Variants in ADAMTS6 observed in about 807,000 individuals in gnomAD.
ADAMTS6 encodes ADAM metallopeptidase with thrombospondin type 1 motif 6.
ADAMTS6 carries 23 observed loss-of-function variants against 144.3 expected under a neutral mutation model. That is an observed-to-expected ratio of 0.16 (90% CI 0.11 to 0.23). The LOEUF is 0.23. Ranked by LOEUF, ADAMTS6 falls within the 10% of genes least tolerant of loss-of-function variation. The pLI is 1.00. For missense variants in ADAMTS6, 999 were observed against 1,379.6 expected, an observed-to-expected ratio of 0.72 and a Z score of 4.37; for synonymous variants, 444 against 457.5, an observed-to-expected ratio of 0.97 and a Z score of 0.38.
At chr5:65,392,856 G>C (rs1397441751) in intron 7 of ADAMTS6, among the ~76,000 whole-genome samples, 1 of 152,126 alleles carries the variant, frequency 6.6e-6, no homozygotes, top group African/African-American at 2.4e-5. Context: ...AGCTATCTGA[G>C]ACATGATAAT....
At chr5:65,371,332 G>C (rs896307055) in intron 7 of ADAMTS6, among the ~76,000 whole-genome samples, 1 of 152,146 alleles carries the variant, frequency 6.6e-6, no homozygotes, top group African/African-American at 2.4e-5. Flanking sequence ...CGAACTACGG[G>C]AGGACATTCA....
chr5:65,371,114 A>G (rs567678792), intron 7 of ADAMTS6, among the ~76,000 whole-genome samples: 1 of 152,296 alleles, frequency 6.6e-6, no homozygotes, highest in South Asian at 2.1e-4. Flanking sequence ...CCAAAAACCA[A>G]TCTGTACAAC....
At chr5:65,274,347 T>G (rs1762288603) in intron 11 of ADAMTS6, among the ~76,000 whole-genome samples, 1 of 152,042 alleles carries the variant, frequency 6.6e-6, no homozygotes, top group South Asian at 2.1e-4. Flanking sequence ...CTAGCATCAT[T>G]ACCAATGTTA....
In ADAMTS6 at chr5:65,226,103, T is replaced by A. The variant is rs1356661126; in HGVS notation, c.2050A>T (p.Ile684Phe). Residue 684 changes from isoleucine to phenylalanine, a missense_variant, in exon 16 of 25, where the codon ATC becomes TTC. By Grantham distance (21) the Ile-to-Phe change is conservative. This residue lies in a region of ADAMTS6 where 619 missense variants were observed against 837.0 expected (regional missense o/e 0.74). Transcript: ENST00000381055. ...TGAGCAACCTTGCATTCTCCATTGA[T>A]GCAGATATCCAGTGAATCCGCATTG... is the stretch of plus-strand genomic sequence containing the variant. ...QCNADSLDIC[I>F]NGECKHVGCD... The A allele has an allele frequency of 6.2e-7, 1 of 1,611,580 alleles. No individual in the cohort carries two copies. Among genetic ancestry groups the A allele is most frequent in the Non-Finnish European group, 8.5e-7 (1 of 1,178,506 alleles).
chr5:65,162,619 CT>C (rs1352916076), intron 24 of ADAMTS6, among the ~76,000 whole-genome samples: 1 of 64,628 alleles, frequency 1.5e-5, no homozygotes, highest in African/African-American at 5.8e-5. Flanking sequence ...ATATAAGATA[CT>C]ACACACACAC....
chr5:65,432,125 A>G (rs1324203995), intron 7 of ADAMTS6, among the ~76,000 whole-genome samples: 1 of 152,114 alleles, frequency 6.6e-6, no homozygotes, highest in African/African-American at 2.4e-5. Flanking sequence ...AAAATTTTTA[A>G]AGATGCTAGT....
chr5:65,394,638 T>C (rs899588909), intron 7 of ADAMTS6, among the ~76,000 whole-genome samples: 3 of 152,206 alleles, frequency 2.0e-5, no homozygotes, highest in Non-Finnish European at 4.4e-5. Context: ...TTAATTCTCA[T>C]TCAAGTTTCC....
intron 3 of ADAMTS6, among the ~76,000 whole-genome samples, chr5:65,470,074 T>G (rs2150282494): frequency 6.6e-6 from 1 of 152,262 alleles, no homozygotes; most frequent in Non-Finnish European, 1.5e-5. Flanking sequence ...ACCCATTTTC[T>G]TTTTTCCATT....
intron 3 of ADAMTS6, among the ~76,000 whole-genome samples, chr5:65,466,300 A>G (rs545010298): frequency 2.4e-4 from 36 of 152,174 alleles, no homozygotes; most frequent in Non-Finnish European, 4.6e-4. Context: ...CGTGACCTCC[A>G]TGCTGTTCCT....
rs73761672 is a variant in ADAMTS6 at position 65,218,256 on chromosome 5, C to T, written c.2273-2769G>A. Among the ~76,000 whole-genome samples the T allele has an allele frequency of 8.8e-3, 1,340 of 152,234 alleles. 18 individuals carry two copies. The highest frequency in any genetic ancestry group is 0.03 in the African/African-American group (1,257 of 41,542). On this transcript the variant is annotated intron_variant, in intron 18 of 24. Transcript: ENST00000381055. Reference sequence around the variant, plus strand: ...AGACCCAAGAAGAATCATGCTTTTGCAGGAGGGCTGAGCAAGCTCTAGAAT... The same window carrying T: ...AGACCCAAGAAGAATCATGCTTTTGTAGGAGGGCTGAGCAAGCTCTAGAAT...
At position 65,454,603 on chromosome 5, in the gene ADAMTS6, A is replaced by G. The variant is rs1481439968; in HGVS notation, c.632-1685T>C. ...GTGACTTGTTTCTAACTAACAGAAT[A>G]CAGCAAAGATGATGAGATGCATGTG... On this transcript the variant is annotated intron_variant, in intron 4 of 24. Transcript: ENST00000381055. Among the ~76,000 whole-genome samples the G allele has an allele frequency of 2.0e-5, 3 of 152,186 alleles. No homozygotes were observed. The East Asian group carries it at 5.8e-4, about 29-fold the overall frequency.
At chr5:65,188,284 T>A (rs983430762) in intron 21 of ADAMTS6, 64 bp from the exon 22 acceptor site, 12 of 1,523,804 alleles carry the variant, frequency 7.9e-6, no homozygotes, top group Admixed American at 1.7e-5. Flanking sequence ...GATTTTTAGC[T>A]AAGTGAAGGC....
intron 12 of ADAMTS6, among the ~76,000 whole-genome samples, chr5:65,264,892 GATTA>G (rs949411795): frequency 6.6e-6 from 1 of 152,038 alleles, no homozygotes; most frequent in African/African-American, 2.4e-5. Flanking sequence ...AAATTAATTA[GATTA>G]ATTAATAAGT....
intron 14 of ADAMTS6, among the ~76,000 whole-genome samples, chr5:65,250,869 G>A (rs577166556): frequency 6.7e-4 from 102 of 152,252 alleles, no homozygotes; most frequent in Non-Finnish European, 1.3e-3. Context: ...GCTTTGATAT[G>A]AAATTTGGTT....
chr5:65,341,075 C>T (rs80308625), intron 7 of ADAMTS6, among the ~76,000 whole-genome samples: 7,568 of 151,744 alleles, frequency 0.05, 643 homozygotes, highest in African/African-American at 0.17. Context: ...ACTATACAAA[C>T]GTATGAAATT....
intron 7 of ADAMTS6, among the ~76,000 whole-genome samples, chr5:65,375,507 A>G (rs531875732): frequency 2.0e-4 from 30 of 151,816 alleles, no homozygotes; most frequent in African/African-American, 6.8e-4. Context: ...AACACATGAA[A>G]AAATGCTCAC....
At chr5:65,470,319 C>T (rs1374098774) in intron 3 of ADAMTS6, among the ~76,000 whole-genome samples, 3 of 151,970 alleles carry the variant, frequency 2.0e-5, no homozygotes, top group African/African-American at 4.8e-5. Flanking sequence ...GATTTTACTT[C>T]GAGAACTTAT....
intron 24 of ADAMTS6, among the ~76,000 whole-genome samples, chr5:65,155,879 G>A (rs1175358116): frequency 6.6e-6 from 1 of 152,140 alleles, no homozygotes; most frequent in East Asian, 1.9e-4. Flanking sequence ...TAGAGAAGGG[G>A]ATCTATGTTT....
At chr5:65,333,486 G>A (rs2150064114) in intron 8 of ADAMTS6, among the ~76,000 whole-genome samples, 1 of 151,942 alleles carries the variant, frequency 6.6e-6, no homozygotes, top group East Asian at 1.9e-4. Flanking sequence ...ATTTTTTGTT[G>A]TTGTTGTTTG....
Sources: gnomAD v4.1 joint callset for allele counts (sites outside exome capture counted in the v4.1 genomes callset) on GRCh38, gnomAD v4.1.1 for gene constraint, gnomAD v4.1.1 regional missense constraint, MANE v1.5 for transcripts, NCBI Gene and HGNC (gene_info 2026-07-23, HGNC 2026-07-21) for gene names.